Variants in FANK1 observed in about 807,000 individuals in gnomAD.
FANK1 encodes fibronectin type 3 and ankyrin repeat domains protein 1.
A neutral mutation model predicts 45.3 loss-of-function variants in FANK1; 44 were observed. The ratio of observed to expected loss-of-function variants is 0.97; its 90% CI spans 0.76 to 1.25. The LOEUF (loss-of-function observed/expected upper bound fraction) is 1.25. Ranked by LOEUF, FANK1 falls within the 50% of genes most tolerant of loss-of-function variation. FANK1 has a pLI of 0.00. For synonymous variants in FANK1, 149 were observed against 152.5 expected (o/e 0.98, Z 0.17); for missense variants, 391 against 424.4 (o/e 0.92, Z 0.69).
rs1945761301 is a variant in FANK1 at position 125,908,901 on chromosome 10, T to A, written c.13+12246T>A. Among the ~76,000 whole-genome samples, 5 of 152,298 alleles carry A rather than the reference T, an allele frequency of 3.3e-5. No individual in the cohort carries two copies. In the South Asian group the frequency reaches 1.0e-3, roughly 32 times the overall value. Reference sequence around the variant, plus strand: ...GAGATGTTCATTTGTTATACAACAATAGCAAACTAATATAGAGCTTCTGTG... The same window carrying A: ...GAGATGTTCATTTGTTATACAACAAAAGCAAACTAATATAGAGCTTCTGTG... On this transcript the variant is annotated intron_variant, in intron 1 of 10. Coordinates refer to ENST00000368693, the MANE Select transcript of FANK1 (RefSeq NM_145235.5).
At chr10:125,997,509 A>T (rs1238871772) in intron 6 of FANK1, 24 bp downstream of exon 6, 11 of 1,605,532 alleles carry the variant, frequency 6.9e-6, no homozygotes, top group Non-Finnish European at 8.5e-6. Flanking sequence ...TATGACTGAA[A>T]TTGTGCTGAT....
At chr10:125,991,717 AG>A (rs1311583903) in intron 3 of FANK1, among the ~76,000 whole-genome samples, 1 of 152,230 alleles carries the variant, frequency 6.6e-6, no homozygotes, top group Non-Finnish European at 1.5e-5. Flanking sequence ...GCCCTTATAA[AG>A]AAAGAAAAAC....
rs1953414147 is a variant in FANK1, at chr10:126,008,555, GTCC to G, written c.849+12_849+14del. 1.3e-6 allele frequency: 2 copies of G among 1,594,974 alleles called. No homozygotes were observed. Among genetic ancestry groups the G allele is most frequent in the Non-Finnish European group, 1.7e-6 (2 of 1,174,222 alleles). On this transcript the variant is annotated splice_donor_region_variant and intron_variant, in intron 8 of 10. Transcript: ENST00000368693. ...AATGGAAAGACGCCCCTTATGGTAG[GTCC>G]TCCTCCCGAAAATAGGCAGTTTTCT...
At chr10:125,952,881 G>T (rs1055278732) in intron 1 of FANK1, among the ~76,000 whole-genome samples, 3 of 149,028 alleles carry the variant, frequency 2.0e-5, no homozygotes, top group African/African-American at 7.5e-5. Context: ...TGCCTGATAT[G>T]GTGGACTCAT....
intron 1 of FANK1, among the ~76,000 whole-genome samples, chr10:125,978,120 C>T (rs1950966160): frequency 6.6e-6 from 1 of 152,136 alleles, no homozygotes; most frequent in Non-Finnish European, 1.5e-5. Context: ...TCCCTAGTCA[C>T]CTCAGATTTT....
At chr10:125,907,462 A>T (rs1457841121) in intron 1 of FANK1, 8 of 984,988 alleles carry the variant, frequency 8.1e-6, no homozygotes, top group Non-Finnish European at 9.6e-6. Context: ...TTTAGTGTGG[A>T]TGGGATCACT....
intron 1 of FANK1, among the ~76,000 whole-genome samples, chr10:125,909,667 C>G (rs72837770): frequency 0.014 from 2,062 of 145,686 alleles, 65 homozygotes; most frequent in African/African-American, 0.05. Flanking sequence ...GACAGGTGTG[C>G]GTCACCATGA....
At chr10:125,997,689 G>T (rs185380267) in intron 6 of FANK1, among the ~76,000 whole-genome samples, 1 of 152,224 alleles carries the variant, frequency 6.6e-6, no homozygotes, top group African/African-American at 2.4e-5. Context: ...AGGGTGCTTA[G>T]GGGGGCATCT....
chr10:125,967,411 A>G (rs1478541982), intron 1 of FANK1, among the ~76,000 whole-genome samples: 5 of 152,124 alleles, frequency 3.3e-5, no homozygotes, highest in African/African-American at 1.2e-4. Flanking sequence ...TAGTATATGT[A>G]AAGAGTTTAG....
intron 1 of FANK1, among the ~76,000 whole-genome samples, chr10:125,966,081 C>A (rs1225532008): frequency 6.6e-6 from 1 of 152,066 alleles, no homozygotes; most frequent in East Asian, 1.9e-4. Context: ...GCAATGTTTC[C>A]CCATTACTAC....
intron 1 of FANK1, among the ~76,000 whole-genome samples, chr10:125,910,627 A>G (rs1234777069): frequency 6.6e-6 from 1 of 152,192 alleles, no homozygotes; most frequent in Non-Finnish European, 1.5e-5. Context: ...ATTTTCTCGT[A>G]TTTTAAACAA....
chr10:125,916,521 A>C (rs1946459538), intron 1 of FANK1, among the ~76,000 whole-genome samples: 1 of 152,216 alleles, frequency 6.6e-6, no homozygotes. Context: ...TGTAGTTAAA[A>C]TATACCATTT....
intron 1 of FANK1, among the ~76,000 whole-genome samples, chr10:125,946,252 G>A (rs2134159983): frequency 6.6e-6 from 1 of 152,014 alleles, no homozygotes; most frequent in East Asian, 1.9e-4. Context: ...AACAAAGCTG[G>A]ATGGAGAATG....
At position 126,009,568 on chromosome 10, in the gene FANK1, C is replaced by T; in HGVS notation, c.*130C>T. The T allele has an allele frequency of 3.3e-6, 3 of 920,582 alleles. No homozygotes were observed. Among genetic ancestry groups the T allele is most frequent in the East Asian group, 2.6e-5 (1 of 38,784 alleles). The allele number at this position is 920,582 out of a possible 1,614,324, so 57.0% of individuals were successfully genotyped here. ...TTTAGTTGAAGATTCACTGATCCCACTTTGAAATACATCTTTTTACCTAAG... is the reference window on the plus strand; with the variant it reads ...TTTAGTTGAAGATTCACTGATCCCATTTTGAAATACATCTTTTTACCTAAG... On this transcript the variant is annotated 3_prime_UTR_variant, in exon 11 of 11. Transcript: ENST00000368693.
chr10:126,004,593 A>G (rs1953037241), intron 6 of FANK1: 1 of 323,758 alleles, frequency 3.1e-6, no homozygotes, highest in Admixed American at 4.2e-5. Flanking sequence ...TGTTCTGGAC[A>G]TTTCGTATAA....
At chr10:125,960,782 G>A (rs192774741) in intron 1 of FANK1, among the ~76,000 whole-genome samples, 1 of 152,144 alleles carries the variant, frequency 6.6e-6, no homozygotes, top group African/African-American at 2.4e-5. Context: ...TTATCTGCCC[G>A]CCTCGGCCTC....
chr10:125,968,933 C>T (rs1950328858), intron 1 of FANK1, among the ~76,000 whole-genome samples: 1 of 152,090 alleles, frequency 6.6e-6, no homozygotes, highest in African/African-American at 2.4e-5. Context: ...CTTTATTATT[C>T]TATATTCCCA....
In FANK1 at chr10:126,009,464, G is replaced by GCA; in HGVS notation, c.*28_*29dup. On this transcript the variant is annotated 3_prime_UTR_variant, in exon 11 of 11. Transcript: ENST00000368693. ...TGAGAGCACCACTCATCTGCGAAAC[G>GCA]CACGTAAAACAAAGTGAACCGTGAC... 1 of 1,611,054 alleles carries GCA rather than the reference G, an allele frequency of 6.2e-7. No homozygotes were observed. Among genetic ancestry groups the GCA allele is most frequent in the South Asian group, 1.1e-5 (1 of 90,108 alleles).
chr10:125,960,421 G>T (rs1322069305), intron 1 of FANK1: 2 of 183,876 alleles, frequency 1.1e-5, no homozygotes, highest in Non-Finnish European at 1.1e-5. Context: ...GCAGCAGTGT[G>T]CTCCAAGGGT....
Sources: allele counts gnomAD v4.1 joint callset (sites outside exome capture counted in the v4.1 genomes callset), GRCh38; gene constraint gnomAD v4.1.1; transcripts MANE v1.5; gene names NCBI Gene and HGNC (gene_info 2026-07-23, HGNC 2026-07-21).